The following KCNN1 variants were observed in gnomAD, a reference collection of about 807,000 sequenced individuals.
The protein encoded by KCNN1 is potassium calcium-activated channel subfamily N member 1, also known as small conductance calcium-activated potassium channel protein 1.
Under a neutral mutation model 44.7 loss-of-function variants are expected in KCNN1, and 20 were observed. That is an observed-to-expected ratio of 0.45 (90% CI 0.32 to 0.65). The LOEUF (loss-of-function observed/expected upper bound fraction) is 0.65. Ranked by LOEUF, KCNN1 falls within the 30% of genes least tolerant of loss-of-function variation. The pLI is 0.05. For missense variants in KCNN1, 632 were observed against 785.3 expected, an observed-to-expected ratio of 0.80 and a Z score of 2.33; for synonymous variants, 324 against 341.7, an observed-to-expected ratio of 0.95 and a Z score of 0.57.
At chr19:17,995,278 A>G (rs914531853) in intron 9 of KCNN1, among the ~76,000 whole-genome samples, 2 of 150,966 alleles carry the variant, frequency 1.3e-5, no homozygotes, top group Non-Finnish European at 3.0e-5. Flanking sequence ...GGCTCAAGCA[A>G]TCCCCCCAAC....
In KCNN1 at chr19:17,967,114, CG is replaced by C; in HGVS notation, c.-284del. The C allele has an allele frequency of 1.0e-6, 1 of 978,464 alleles. No homozygotes were observed. Among genetic ancestry groups the C allele is most frequent in the Non-Finnish European group, 1.2e-6 (1 of 825,732 alleles). 60.6% of individuals were successfully genotyped at this position (978,464 alleles called of 1,614,324 possible). ...TTCTCTCCCGGCCCGGGCGGGCGCT[CG>C]CCCCCCGCCGGGCCCGTGGACTGGG... On this transcript the variant is annotated 5_prime_UTR_variant, in exon 1 of 10. Coordinates refer to ENST00000684775, the MANE Select transcript of KCNN1 (RefSeq NM_001386974.1).
upstream of KCNN1, among the ~76,000 whole-genome samples, chr19:17,963,247 T>G (rs8103555): frequency 0.039 from 5,863 of 151,338 alleles, 392 homozygotes; most frequent in African/African-American, 0.13. Flanking sequence ...TCTCCTGACC[T>G]CGTGATCCGC....
chr19:17,990,180 G>C (rs964182509), intron 7 of KCNN1: 3 of 456,850 alleles, frequency 6.6e-6, no homozygotes, highest in Non-Finnish European at 8.6e-6. Flanking sequence ...TGATCCATGG[G>C]ATCATGTAGG....
At chr19:17,973,573 T>G (rs1392061156) in intron 1 of KCNN1, among the ~76,000 whole-genome samples, 2 of 152,130 alleles carry the variant, frequency 1.3e-5, no homozygotes, top group Non-Finnish European at 2.9e-5. Context: ...TGCACCACCA[T>G]GCCCGGCTCT....
rs369729099 is a variant in KCNN1, at chr19:17,982,135, C to A, written c.917+8C>A. On this transcript the variant is annotated splice_region_variant and intron_variant, in intron 4 of 9. Transcript: ENST00000684775. ...CGTGCGCGTCTGCGAGAGGTGCGAC[C>A]GCCGCCCCTGGAGCCCCCCCAGCCC... The A allele has an allele frequency of 6.6e-7, 1 of 1,518,036 alleles. No individual in the cohort carries two copies. The highest frequency in any genetic ancestry group is 1.9e-5 in the Admixed American group (1 of 52,316). 94.0% of individuals were successfully genotyped at this position (1,518,036 alleles called of 1,614,324 possible).
chr19:17,970,216 T>C (rs1177379367), intron 1 of KCNN1, among the ~76,000 whole-genome samples: 1 of 142,880 alleles, frequency 7.0e-6, no homozygotes, highest in East Asian at 2.2e-4. Context: ...GCCTGATTGA[T>C]GTGATGGGTG....
chr19:17,978,136 T>TTTC (rs1398930218), intron 3 of KCNN1, among the ~76,000 whole-genome samples: 2 of 150,886 alleles, frequency 1.3e-5, no homozygotes, highest in African/African-American at 4.9e-5. Context: ...GTTTTTTTTT[T>TTTC]TTTTTTTTGA....
At chr19:17,987,943 C>A (rs1242161695) in intron 5 of KCNN1, among the ~76,000 whole-genome samples, 1 of 151,224 alleles carries the variant, frequency 6.6e-6, no homozygotes, top group Non-Finnish European at 1.5e-5. Flanking sequence ...AGTTCGAGAC[C>A]AGCCTGACCA....
At chr19:17,955,283 A>G (rs1417442268) in intron 2 of KCNN1, among the ~76,000 whole-genome samples, 1 of 151,318 alleles carries the variant, frequency 6.6e-6, no homozygotes, top group Non-Finnish European at 1.5e-5. Flanking sequence ...AAAAAAGGCC[A>G]GACGTGGTGG....
intron 1 of KCNN1, among the ~76,000 whole-genome samples, chr19:17,968,448 T>A (rs1328098929): frequency 1.3e-5 from 2 of 151,970 alleles, no homozygotes; most frequent in Non-Finnish European, 2.9e-5. Context: ...CCATGAGGAA[T>A]CTTTACAAAG....
rs556484229 is a variant in KCNN1, at chr19:17,974,606, C to T, written c.402+316C>T. On this transcript the variant is annotated intron_variant, in intron 2 of 9. Transcript: ENST00000684775. The surrounding 1 kb of genome is among the most constrained non-coding windows in gnomAD (Gnocchi z 7.3). ...CCTGCTCTGGGGAGCAACAGAAGATCTTCCTCCCCTTCCGAGAGTGAGTGC... is the reference window on the plus strand; with the variant it reads ...CCTGCTCTGGGGAGCAACAGAAGATTTTCCTCCCCTTCCGAGAGTGAGTGC... Among the ~76,000 whole-genome samples, 15 of 152,300 alleles carry T rather than the reference C, an allele frequency of 9.8e-5. No individual in the cohort carries two copies. The East Asian group carries it at 2.7e-3, about 27-fold the overall frequency.
At chr19:17,955,271 A>T (rs1568443455) in intron 2 of KCNN1, among the ~76,000 whole-genome samples, 1 of 150,610 alleles carries the variant, frequency 6.6e-6, no homozygotes, top group Non-Finnish European at 1.5e-5. Flanking sequence ...AAAAAAAAAA[A>T]GAAAAAAGGC....
rs1449786105 is a variant in KCNN1, at chr19:17,974,316, T to G, written c.402+26T>G. Reference sequence around the variant, plus strand: ...GTAGGCGTGGTCCTCCCCCAGGCACTCCAGGGAGGTTCCACCAAGCCCGCC... The same window carrying G: ...GTAGGCGTGGTCCTCCCCCAGGCACGCCAGGGAGGTTCCACCAAGCCCGCC... On this transcript the variant is annotated intron_variant, in intron 2 of 9. Coordinates refer to ENST00000684775, the MANE Select transcript of KCNN1 (RefSeq NM_001386974.1). The surrounding 1 kb of genome is among the most constrained non-coding windows in gnomAD (Gnocchi z 7.3). 1.3e-6 allele frequency: 2 copies of G among 1,519,808 alleles called. No individual in the cohort carries two copies. Among genetic ancestry groups the G allele is most frequent in the Non-Finnish European group, 1.8e-6 (2 of 1,135,218 alleles). The allele number at this position is 1,519,808 out of a possible 1,614,324, so 94.1% of individuals were successfully genotyped here.
Position 17,993,213 on chromosome 19 carries a change from G to C in KCNN1, c.1307+151G>C, listed in dbSNP as rs2032858579. Among the ~76,000 whole-genome samples the C allele has an allele frequency of 6.6e-6, 1 of 152,136 alleles. No homozygotes were observed. The highest frequency in any genetic ancestry group is 2.1e-4 in the South Asian group (1 of 4,830). On this transcript the variant is annotated intron_variant, in intron 8 of 9. Coordinates refer to ENST00000684775, the MANE Select transcript of KCNN1 (RefSeq NM_001386974.1). The surrounding 1 kb of genome is among the most constrained non-coding windows in gnomAD (Gnocchi z 4.5). ...ATGGATCCGTGCAGGCTTCACCTTG[G>C]TCTGGGATCCAACTTCCTGGGGCAG...
At chr19:17,961,703 C>A (rs1200061690) in intron 2 of KCNN1, among the ~76,000 whole-genome samples, 1 of 151,696 alleles carries the variant, frequency 6.6e-6, no homozygotes, top group Non-Finnish European at 1.5e-5. Context: ...TGCCTCAGCA[C>A]CCCCTAGTAG....
At chr19:17,961,878 T>A (rs1452037243) in intron 2 of KCNN1, among the ~76,000 whole-genome samples, 1 of 152,094 alleles carries the variant, frequency 6.6e-6, no homozygotes, top group Non-Finnish European at 1.5e-5. Context: ...CATGAGCCAC[T>A]GAGCCTGGCC....
chr19:17,965,993 A>ATGCC (rs200975232), upstream of KCNN1, among the ~76,000 whole-genome samples: 279 of 144,814 alleles, frequency 1.9e-3, 2 homozygotes, highest in Middle Eastern at 0.025. Context: ...TCCCTCATTC[A>ATGCC]TGCCTGCCTG....
In KCNN1 at chr19:17,958,827, A is replaced by C. The variant is rs1420427526; in HGVS notation, c.-82+4146A>C. Reference sequence around the variant, plus strand: ...ACTCTCCTGCCTCAGCCTCCCGAGTAGCTGGGACTACAGGCGCCCGCCACC... The same window carrying C: ...ACTCTCCTGCCTCAGCCTCCCGAGTCGCTGGGACTACAGGCGCCCGCCACC... On this transcript the variant is annotated intron_variant, in intron 2 of 10. Coordinates refer to the KCNN1 transcript ENST00000222249. 2.7e-5 allele frequency among the ~76,000 whole-genome samples: 4 copies of C among 147,128 alleles called. No homozygotes were observed. In the Admixed American group the frequency reaches 2.7e-4, roughly 10 times the overall value.
chr19:17,992,833 G>T (rs960344442), intron 7 of KCNN1, among the ~76,000 whole-genome samples: 1 of 152,206 alleles, frequency 6.6e-6, no homozygotes, highest in South Asian at 2.1e-4. Flanking sequence ...CGCCTCCGGT[G>T]GTGGTGAGAG....
Sources: gnomAD v4.1 joint callset for allele counts (sites outside exome capture counted in the v4.1 genomes callset) on GRCh38, gnomAD v4.1.1 for gene constraint, Gnocchi (gnomAD v3.1) non-coding constraint, MANE v1.5 for transcripts, NCBI Gene and HGNC (gene_info 2026-07-23, HGNC 2026-07-21) for gene names.